ROR2: variants seen among roughly 807,000 people sequenced by gnomAD.
ROR2 encodes tyrosine-protein kinase transmembrane receptor ROR2.
A neutral mutation model predicts 74.9 loss-of-function variants in ROR2; 33 were observed. The ratio of observed to expected loss-of-function variants is 0.44; its 90% confidence interval spans 0.33 to 0.59. The LOEUF (loss-of-function observed/expected upper bound fraction) is 0.59. ROR2 is among the 20% of genes least tolerant of loss of function. ROR2 has a pLI of 0.02. For missense variants in ROR2, 1,216 were observed against 1,313.8 expected, an observed-to-expected ratio of 0.93 and a Z score of 1.15; for synonymous variants, 586 against 558.7, an observed-to-expected ratio of 1.05 and a Z score of -0.69.
intron 1 of ROR2, among the ~76,000 whole-genome samples, chr9:91,825,831 C>T (rs1828270538): frequency 6.6e-6 from 1 of 152,228 alleles, no homozygotes; most frequent in Non-Finnish European, 1.5e-5. Flanking sequence ...AGATTTTCTC[C>T]ATTTCCACAA....
chr9:91,902,563 GC>G (rs1406429681), intron 1 of ROR2, among the ~76,000 whole-genome samples: 3 of 152,098 alleles, frequency 2.0e-5, no homozygotes, highest in African/African-American at 7.2e-5. Context: ...AACACCAAGG[GC>G]CCTCCTTGGG....
chr9:91,813,568 CTG>C (rs968937293), intron 1 of ROR2, among the ~76,000 whole-genome samples: 8 of 152,194 alleles, frequency 5.3e-5, no homozygotes, highest in African/African-American at 1.9e-4. Context: ...TAGGCCTACA[CTG>C]TGGATCCTTG....
chr9:91,883,845 C>T (rs982971922), intron 1 of ROR2, among the ~76,000 whole-genome samples: 2 of 152,214 alleles, frequency 1.3e-5, no homozygotes, highest in East Asian at 3.9e-4. Flanking sequence ...AAATCCCTTC[C>T]CCTTCCAAGG....
intron 1 of ROR2, among the ~76,000 whole-genome samples, chr9:91,874,005 G>C (rs1829881844): frequency 6.6e-6 from 1 of 152,130 alleles, no homozygotes; most frequent in South Asian, 2.1e-4. Context: ...GGGGAGTTGG[G>C]CTTCTTTTGC....
At chr9:91,886,863 C>G (rs1830297188) in intron 1 of ROR2, 3 of 152,118 alleles carry the variant, frequency 2.0e-5, no homozygotes, top group Non-Finnish European at 4.4e-5. Context: ...CCACTACTTA[C>G]CATTTAAGAG....
At chr9:91,850,787 A>T (rs1435673684) in intron 1 of ROR2, among the ~76,000 whole-genome samples, 1 of 152,238 alleles carries the variant, frequency 6.6e-6, no homozygotes, top group Non-Finnish European at 1.5e-5. Flanking sequence ...GAATCCCTTT[A>T]AAAATTGTCC....
At chr9:91,793,125 T>G (rs1232675696) in intron 1 of ROR2, among the ~76,000 whole-genome samples, 1 of 152,054 alleles carries the variant, frequency 6.6e-6, no homozygotes, top group East Asian at 1.9e-4. Flanking sequence ...AAACTATACA[T>G]CAGTATCTCT....
intron 1 of ROR2, among the ~76,000 whole-genome samples, chr9:91,921,073 T>C (rs117703609): frequency 0.029 from 4,458 of 152,338 alleles, 104 homozygotes; most frequent in South Asian, 0.061. Context: ...TGGACACTCA[T>C]GTCCCATCCT....
At chr9:91,762,402 C>A (rs927862644) in intron 2 of ROR2, among the ~76,000 whole-genome samples, 5 of 152,314 alleles carry the variant, frequency 3.3e-5, no homozygotes, top group Non-Finnish European at 5.9e-5. Context: ...AATAACATAA[C>A]CTTTTTGCTT....
intron 1 of ROR2, among the ~76,000 whole-genome samples, chr9:91,812,041 C>T (rs1255557622): frequency 1.4e-5 from 2 of 145,022 alleles, no homozygotes; most frequent in Admixed American, 7.0e-5. Flanking sequence ...CTAATGACAG[C>T]TGATGAGCTT....
Position 91,724,193 on chromosome 9 carries a change from G to A in ROR2, c.2301C>T (p.Thr767=), listed in dbSNP as rs755457754. 33 of 1,612,986 alleles carry A rather than the reference G, an allele frequency of 2.0e-5. No homozygotes were observed. The highest frequency in any genetic ancestry group is 2.8e-5 in the Non-Finnish European group (33 of 1,180,028). The change falls in exon 9 of 9, where the codon ACC becomes ACT. Residue 767 remains threonine (T), a synonymous_variant. Coordinates refer to ENST00000375708, the MANE Select transcript of ROR2 (RefSeq NM_004560.4). ...TGGTGCTCAGGGAGCTGGTCTGCGT[G>A]GTGTTGCTGGCCCCCGAGGTCTGCG... ...SSAQTSGASN[T]TQTSSLSTSP...
intron 5 of ROR2, among the ~76,000 whole-genome samples, chr9:91,736,177 T>C (rs1383006605): frequency 1.3e-5 from 2 of 152,202 alleles, no homozygotes; most frequent in South Asian, 2.1e-4. Context: ...TGGAACAGGA[T>C]GGCATCTCCA....
intron 5 of ROR2, among the ~76,000 whole-genome samples, chr9:91,734,642 G>C (rs547372946): frequency 1.8e-4 from 27 of 152,272 alleles, no homozygotes; most frequent in South Asian, 8.3e-4. Flanking sequence ...AGCCTTGTGC[G>C]TGATCACTTT....
chr9:91,819,872 TTGTG>T (rs372431299), intron 1 of ROR2, among the ~76,000 whole-genome samples: 3 of 152,088 alleles, frequency 2.0e-5, no homozygotes, highest in African/African-American at 4.8e-5. Flanking sequence ...ATGTCTGTAT[TTGTG>T]TGTGTGTGTC....
chr9:91,779,471 A>G (rs1043610732), intron 1 of ROR2, among the ~76,000 whole-genome samples: 3 of 151,312 alleles, frequency 2.0e-5, no homozygotes, highest in African/African-American at 7.3e-5. Flanking sequence ...CCCGGGTCCA[A>G]GCGATTCTCC....
intron 4 of ROR2, among the ~76,000 whole-genome samples, chr9:91,739,563 A>T (rs1488056189): frequency 3.3e-5 from 5 of 150,626 alleles, no homozygotes; most frequent in African/African-American, 1.2e-4. Flanking sequence ...AACCACATGG[A>T]TTTAAAATCC....
chr9:91,822,672 A>T (rs1274391667), intron 1 of ROR2, among the ~76,000 whole-genome samples: 1 of 152,236 alleles, frequency 6.6e-6, no homozygotes, highest in Admixed American at 6.5e-5. Context: ...GGGGAACAAG[A>T]TAGATACAGA....
intron 1 of ROR2, among the ~76,000 whole-genome samples, chr9:91,934,770 G>C (rs2117987670): frequency 6.6e-6 from 1 of 152,250 alleles, no homozygotes; most frequent in African/African-American, 2.4e-5. Flanking sequence ...AACAAAAAGA[G>C]AGTACGTGAA....
At chr9:91,740,339 A>G (rs554609288) in intron 4 of ROR2, among the ~76,000 whole-genome samples, 22 of 152,066 alleles carry the variant, frequency 1.4e-4, no homozygotes, top group African/African-American at 2.2e-4. Flanking sequence ...ACAAGGTCAG[A>G]AGATCGAGAC....
Sources: allele counts gnomAD v4.1 joint callset (sites outside exome capture counted in the v4.1 genomes callset), GRCh38; gene constraint gnomAD v4.1.1; transcripts MANE v1.5; gene names NCBI Gene and HGNC (gene_info 2026-07-23, HGNC 2026-07-21).